PRICKLE1: variants seen among roughly 807,000 people sequenced by gnomAD.
PRICKLE1 encodes prickle planar cell polarity protein 1.
PRICKLE1 carries 14 observed loss-of-function variants against 70.2 expected under a neutral mutation model. The observed-to-expected ratio is 0.20, with a 90% confidence interval of 0.13 to 0.31. PRICKLE1 has a LOEUF of 0.31. Ranked by LOEUF, PRICKLE1 falls within the 10% of genes least tolerant of loss-of-function variation. PRICKLE1 has a pLI of 1.00. For missense variants in PRICKLE1, 821 were observed against 1,026.2 expected, an observed-to-expected ratio of 0.80 and a Z score of 2.73; for synonymous variants, 357 against 379.9, an observed-to-expected ratio of 0.94 and a Z score of 0.70.
chr12:42,513,759 G>A (rs1263096372), intron 1 of PRICKLE1, among the ~76,000 whole-genome samples: 2 of 152,086 alleles, frequency 1.3e-5, no homozygotes, highest in Non-Finnish European at 2.9e-5. Context: ...ACTTTGGAAG[G>A]CCAAGGCAGG....
At chr12:42,525,057 C>G (rs1939778655) in intron 1 of PRICKLE1, 1 of 152,084 alleles carries the variant, frequency 6.6e-6, no homozygotes, top group African/African-American at 2.4e-5. Flanking sequence ...CTGGAAAGAC[C>G]AAGGCAGGAT....
intron 1 of PRICKLE1, among the ~76,000 whole-genome samples, chr12:42,559,624 ATTT>A (rs201116185): frequency 1.3e-4 from 11 of 81,580 alleles, no homozygotes; most frequent in East Asian, 8.1e-4. Flanking sequence ...ATATATATAT[ATTT>A]TTTTTTTTTG....
chr12:42,491,157 G>A (rs1435852551), intron 1 of PRICKLE1, among the ~76,000 whole-genome samples: 1 of 151,508 alleles, frequency 6.6e-6, no homozygotes, highest in Non-Finnish European at 1.5e-5. Context: ...TTACAGTTGT[G>A]AGCCACTGCG....
intron 7 of PRICKLE1, among the ~76,000 whole-genome samples, chr12:42,461,045 C>A (rs1314042630): frequency 6.6e-6 from 1 of 152,134 alleles, no homozygotes; most frequent in Admixed American, 6.6e-5. Flanking sequence ...CCACACCTGG[C>A]TACTTTTGTA....
intron 1 of PRICKLE1, among the ~76,000 whole-genome samples, chr12:42,474,363 T>A (rs999023998): frequency 1.3e-5 from 2 of 152,248 alleles, no homozygotes; most frequent in African/African-American, 4.8e-5. Context: ...TTGTAACAGT[T>A]CATAAATGAA....
At chr12:42,513,205 G>GC (rs1443750899) in intron 1 of PRICKLE1, among the ~76,000 whole-genome samples, 1 of 152,064 alleles carries the variant, frequency 6.6e-6, no homozygotes, top group East Asian at 1.9e-4. Flanking sequence ...CAGGTGATCC[G>GC]CCCCCCTCGG....
At chr12:42,518,934 A>T (rs1939659395) in intron 1 of PRICKLE1, among the ~76,000 whole-genome samples, 1 of 152,174 alleles carries the variant, frequency 6.6e-6, no homozygotes, top group African/African-American at 2.4e-5. Context: ...TTTCCAGTTT[A>T]TTGGAGGAAG....
chr12:42,569,832 T>C (rs988540352), intron 1 of PRICKLE1, among the ~76,000 whole-genome samples: 1 of 152,220 alleles, frequency 6.6e-6, no homozygotes, highest in Non-Finnish European at 1.5e-5. Flanking sequence ...CATTGTGGCA[T>C]TGGGAAATTC....
chr12:42,552,752 A>G (rs571725627), intron 1 of PRICKLE1, among the ~76,000 whole-genome samples: 1 of 152,332 alleles, frequency 6.6e-6, no homozygotes, highest in Admixed American at 6.5e-5. Context: ...AGTAAACACA[A>G]TCACATTTCT....
At chr12:42,511,177 A>G (rs1430826482) in intron 1 of PRICKLE1, among the ~76,000 whole-genome samples, 1 of 152,216 alleles carries the variant, frequency 6.6e-6, no homozygotes, top group Non-Finnish European at 1.5e-5. Context: ...GTCTTTACCA[A>G]TAAAACCAGA....
At chr12:42,517,764 G>A (rs1939636774) in intron 1 of PRICKLE1, among the ~76,000 whole-genome samples, 1 of 152,088 alleles carries the variant, frequency 6.6e-6, no homozygotes, top group Non-Finnish European at 1.5e-5. Context: ...AGGGAGAGGA[G>A]AGGAATTTCA....
intron 1 of PRICKLE1, among the ~76,000 whole-genome samples, chr12:42,501,528 AAAG>A (rs869057155): frequency 0.14 from 11,457 of 84,112 alleles, 1,081 homozygotes; most frequent in African/African-American, 0.34. Context: ...AAAAAAAAAA[AAAG>A]AAAAGAAAAG....
At position 42,568,758 on chromosome 12, in the gene PRICKLE1, G is replaced by A. The variant is rs79001795; in HGVS notation, c.-49+20707C>T. On this transcript the variant is annotated intron_variant, in intron 1 of 7. Transcript: ENST00000345127. ...TTACAGGCATATATTGCATGATGGC[G>A]AAGTCTAGTCTTTTAGTGTAGCCAT... Among the ~76,000 whole-genome samples, 665 of 152,262 alleles carry A rather than the reference G, an allele frequency of 4.4e-3. 8 individuals are homozygous for A. Among genetic ancestry groups the A allele is most frequent in the African/African-American group, 0.015 (638 of 41,554 alleles).
intron 1 of PRICKLE1, among the ~76,000 whole-genome samples, chr12:42,582,415 A>G (rs1011050329): frequency 6.6e-6 from 1 of 152,248 alleles, no homozygotes; most frequent in Non-Finnish European, 1.5e-5. Flanking sequence ...CCTATGAAGC[A>G]TATGTATTCT....
At chr12:42,587,598 C>T (rs948792533) in intron 1 of PRICKLE1, among the ~76,000 whole-genome samples, 1 of 152,220 alleles carries the variant, frequency 6.6e-6, no homozygotes, top group African/African-American at 2.4e-5. Flanking sequence ...TGTTTCCTGA[C>T]TCGCCAGTTG....
chr12:42,573,421 A>C (rs1329769079), intron 1 of PRICKLE1, among the ~76,000 whole-genome samples: 2 of 152,194 alleles, frequency 1.3e-5, no homozygotes, highest in Non-Finnish European at 2.9e-5. Context: ...AATTCGGATT[A>C]TACCATCAGT....
intron 1 of PRICKLE1, among the ~76,000 whole-genome samples, chr12:42,545,366 A>G (rs1219297663): frequency 1.3e-5 from 2 of 152,180 alleles, no homozygotes; most frequent in African/African-American, 2.4e-5. Context: ...AACTTGTTGA[A>G]TGTCATTCAA....
intron 1 of PRICKLE1, among the ~76,000 whole-genome samples, chr12:42,566,717 C>T (rs1195600929): frequency 6.6e-6 from 1 of 152,132 alleles, no homozygotes; most frequent in East Asian, 1.9e-4. Context: ...ACCCTCCTTC[C>T]ATTCATCAAA....
intron 1 of PRICKLE1, among the ~76,000 whole-genome samples, chr12:42,574,545 C>A (rs1451490635): frequency 6.6e-6 from 1 of 152,214 alleles, no homozygotes; most frequent in African/African-American, 2.4e-5. Context: ...ACACACCAGA[C>A]TGCCTGAAAA....
Sources: gnomAD v4.1 joint callset for allele counts (sites outside exome capture counted in the v4.1 genomes callset) on GRCh38, gnomAD v4.1.1 for gene constraint, MANE v1.5 for transcripts, NCBI Gene and HGNC (gene_info 2026-07-23, HGNC 2026-07-21) for gene names.